Variants in CYFIP2 observed in about 807,000 individuals in gnomAD.
CYFIP2 encodes cytoplasmic FMR1 interacting protein 2, also known as cytoplasmic FMR1-interacting protein 2.
A neutral mutation model predicts 158.7 loss-of-function variants in CYFIP2; 29 were observed. That is an observed-to-expected ratio of 0.18 (90% CI 0.14 to 0.25). The LOEUF (loss-of-function observed/expected upper bound fraction) is 0.25. Among genes scored for constraint, CYFIP2 ranks in the 10% least tolerant of loss-of-function variants. The probability of loss-of-function intolerance (pLI) is 1.00; values close to 1 mark genes in which losing one functional copy is unlikely to be tolerated. For synonymous variants in CYFIP2, 585 were observed against 617.6 expected (o/e 0.95, Z 0.78); for missense variants, 852 against 1,639.5 (o/e 0.52, Z 8.29).
intron 8 of CYFIP2, among the ~76,000 whole-genome samples, chr5:157,305,900 A>G (rs539597153): frequency 2.0e-5 from 3 of 152,202 alleles, no homozygotes; most frequent in Admixed American, 1.3e-4. Context: ...ATGACCATGT[A>G]TCCATTTTAT....
chr5:157,379,785 G>C (rs1019911107), intron 26 of CYFIP2, among the ~76,000 whole-genome samples: 1 of 148,434 alleles, frequency 6.7e-6, no homozygotes, highest in Non-Finnish European at 1.5e-5. Flanking sequence ...CTCTGTAACC[G>C]CCCAGCAGGT....
At chr5:157,377,811 G>T (rs1031306552) in intron 26 of CYFIP2, among the ~76,000 whole-genome samples, 2 of 152,172 alleles carry the variant, frequency 1.3e-5, no homozygotes, top group African/African-American at 4.8e-5. Context: ...AAAATATAGA[G>T]AACGTGCAGG....
chr5:157,372,549 G>A (rs1157998496), intron 26 of CYFIP2, among the ~76,000 whole-genome samples: 1 of 152,184 alleles, frequency 6.6e-6, no homozygotes. Flanking sequence ...GACATATGAG[G>A]AGGAGGAAAG....
At chr5:157,330,922 C>T (rs1761407916) in intron 20 of CYFIP2, 72 bp downstream of exon 20, 1 of 1,211,722 alleles carries the variant, frequency 8.3e-7, no homozygotes, top group Non-Finnish European at 1.2e-6. Context: ...GCATAGAGAT[C>T]AGAAATCAGG....
rs1232765929 is a variant in CYFIP2, at chr5:157,326,284, T to C, written c.2079+17T>C. On this transcript the variant is annotated intron_variant, in intron 18 of 30. Transcript: ENST00000620254. ...GAAGCTGAGGCAAGTGATGTGCTTC[T>C]CTTTTTGCTCCTTTAATCTTGTTCC... 3 of 1,593,838 alleles carry C rather than the reference T, an allele frequency of 1.9e-6. No individual in the cohort carries two copies. Among genetic ancestry groups the C allele is most frequent in the African/African-American group, 2.7e-5 (2 of 74,590 alleles).
At chr5:157,312,198 T>A (rs1173373961) in intron 11 of CYFIP2, among the ~76,000 whole-genome samples, 2 of 152,006 alleles carry the variant, frequency 1.3e-5, no homozygotes, top group African/African-American at 2.4e-5. Context: ...CTAAATGTTT[T>A]AAAACTAAAC....
intron 23 of CYFIP2, among the ~76,000 whole-genome samples, chr5:157,357,910 A>G (rs1047575846): frequency 6.6e-6 from 1 of 152,226 alleles, no homozygotes; most frequent in African/African-American, 2.4e-5. Context: ...TAAGAATTCA[A>G]CTTCCAAAAT....
chr5:157,371,323 C>T (rs1764981284), intron 26 of CYFIP2, among the ~76,000 whole-genome samples: 1 of 152,206 alleles, frequency 6.6e-6, no homozygotes, highest in South Asian at 2.1e-4. Flanking sequence ...GTGCCTGGAC[C>T]TCCCATTTCC....
chr5:157,266,256 G>C lies in CYFIP2; in HGVS notation c.-24+61G>C, dbSNP rs1436135627. Reference sequence around the variant, plus strand: ...GGACTAGGATGCCGCCGGGGACGGGGATGAGGCCGTGAGGATGCGCGAAGG... The same window carrying C: ...GGACTAGGATGCCGCCGGGGACGGGCATGAGGCCGTGAGGATGCGCGAAGG... On this transcript the variant is annotated intron_variant, in intron 1 of 30. Coordinates refer to ENST00000620254, the MANE Select transcript of CYFIP2 (RefSeq NM_001037333.3). This position sits in a 1 kb window ranked among gnomAD's most constrained non-coding sequence, Gnocchi z 4.2. The C allele has an allele frequency of 6.6e-6, 1 of 150,904 alleles. No homozygotes were observed. Among genetic ancestry groups the C allele is most frequent in the African/African-American group, 2.4e-5 (1 of 41,312 alleles). 9.3% of individuals were successfully genotyped at this position (150,904 alleles called of 1,614,324 possible).
At chr5:157,267,784 T>C (rs1755730732) in intron 1 of CYFIP2, among the ~76,000 whole-genome samples, 2 of 152,324 alleles carry the variant, frequency 1.3e-5, no homozygotes, top group African/African-American at 4.8e-5. Flanking sequence ...TCACTAATGG[T>C]AGAATTTCAA....
rs527972988 is a variant in CYFIP2, at chr5:157,305,683, T to A, written c.795+1317T>A. On this transcript the variant is annotated intron_variant, in intron 8 of 30. Coordinates refer to ENST00000620254, the MANE Select transcript of CYFIP2 (RefSeq NM_001037333.3). ...ATGCCACCACACTCAGCTATTTTTT[T>A]AAAAAATTTTTTGTAGAGTCAAGGT... Among the ~76,000 whole-genome samples the A allele has an allele frequency of 6.7e-3, 1,017 of 152,240 alleles. 14 individuals carry two copies. The highest frequency in any genetic ancestry group is 0.023 in the African/African-American group (941 of 41,536).
intron 23 of CYFIP2, among the ~76,000 whole-genome samples, chr5:157,358,049 T>C (rs1018350577): frequency 1.3e-5 from 2 of 152,148 alleles, no homozygotes; most frequent in African/African-American, 4.8e-5. Flanking sequence ...ATAGATCACA[T>C]AGATTTGTCG....
chr5:157,284,658 C>G (rs904387632), intron 1 of CYFIP2, among the ~76,000 whole-genome samples: 3 of 152,232 alleles, frequency 2.0e-5, no homozygotes, highest in Admixed American at 6.5e-5. Context: ...TCCTGCCAAA[C>G]ATACTATCAA....
intron 13 of CYFIP2, among the ~76,000 whole-genome samples, chr5:157,319,212 AAT>A (rs745601530): frequency 3.9e-5 from 6 of 152,196 alleles, no homozygotes; most frequent in South Asian, 2.1e-4. Flanking sequence ...GGAGAAGGGA[AAT>A]AGGGGAGTAG....
intron 23 of CYFIP2, among the ~76,000 whole-genome samples, chr5:157,357,412 T>C (rs1437133077): frequency 9.9e-5 from 15 of 152,248 alleles, no homozygotes. Flanking sequence ...AACTGATGTA[T>C]AATTTCTAAC....
intron 23 of CYFIP2, among the ~76,000 whole-genome samples, chr5:157,343,920 T>A (rs1309306741): frequency 6.6e-6 from 1 of 152,106 alleles, no homozygotes; most frequent in Non-Finnish European, 1.5e-5. Context: ...GGCTCCACCT[T>A]TATTCTCAGG....
intron 26 of CYFIP2, among the ~76,000 whole-genome samples, chr5:157,377,426 C>T (rs573393116): frequency 7.2e-5 from 11 of 152,230 alleles, no homozygotes; most frequent in South Asian, 4.1e-4. Context: ...TTCAACTTAG[C>T]GTCCTTCTTC....
chr5:157,392,608 T>C (rs533257487), intron 30 of CYFIP2, among the ~76,000 whole-genome samples: 649 of 152,298 alleles, frequency 4.3e-3, no homozygotes, highest in Non-Finnish European at 6.4e-3. Context: ...TGCCACAGTG[T>C]TGTTGATTAT....
intron 2 of CYFIP2, 27 bp from the exon 3 acceptor site, chr5:157,286,992 A>G: frequency 6.2e-7 from 1 of 1,601,658 alleles, no homozygotes; most frequent in Non-Finnish European, 8.5e-7. Flanking sequence ...CTAACAACCA[A>G]AATGTTCCTG....
Sources: gnomAD v4.1 joint callset for allele counts (sites outside exome capture counted in the v4.1 genomes callset) on GRCh38, gnomAD v4.1.1 for gene constraint, Gnocchi (gnomAD v3.1) non-coding constraint, MANE v1.5 for transcripts, NCBI Gene and HGNC (gene_info 2026-07-23, HGNC 2026-07-21) for gene names.